The following SPIDR variants were observed in gnomAD, a reference collection of about 807,000 sequenced individuals.
The protein encoded by SPIDR is DNA repair-scaffolding protein.
Under a neutral mutation model 104.6 loss-of-function variants are expected in SPIDR, and 93 were observed. That is an observed-to-expected ratio of 0.89 (90% confidence interval 0.75 to 1.06). The LOEUF (loss-of-function observed/expected upper bound fraction) is 1.06. Among genes scored for constraint, SPIDR ranks in the 50% least tolerant of loss-of-function variants. SPIDR has a pLI of 0.00. For missense variants in SPIDR, 1,154 were observed against 1,111.2 expected (o/e 1.04, Z -0.55); for synonymous variants, 431 against 416.9 (o/e 1.03, Z -0.41).
chr8:47,734,936 T>G (rs1490031900), intron 19 of SPIDR, among the ~76,000 whole-genome samples: 3 of 152,140 alleles, frequency 2.0e-5, no homozygotes, highest in African/African-American at 7.2e-5. Flanking sequence ...TGTTGCTAGA[T>G]TGAGGAAGTG....
chr8:47,558,398 T>C (rs2091575723), intron 8 of SPIDR, among the ~76,000 whole-genome samples: 2 of 152,322 alleles, frequency 1.3e-5, no homozygotes, highest in South Asian at 4.1e-4. Context: ...TGTATTTTTT[T>C]AAACAGAGCT....
At chr8:47,662,990 A>G (rs2074357033) in intron 10 of SPIDR, among the ~76,000 whole-genome samples, 1 of 152,192 alleles carries the variant, frequency 6.6e-6, no homozygotes. Context: ...ATTGTTTATG[A>G]CCCACCCAGT....
chr8:47,701,630 G>A (rs2080196398), intron 12 of SPIDR, 91 bp from the exon 13 acceptor site: 2 of 1,280,332 alleles, frequency 1.6e-6, no homozygotes, highest in Non-Finnish European at 2.2e-6. Flanking sequence ...AAGCAAATAT[G>A]TATATATTAA....
intron 5 of SPIDR, among the ~76,000 whole-genome samples, chr8:47,329,682 G>C (rs1370032234): frequency 6.6e-6 from 1 of 152,068 alleles, no homozygotes; most frequent in Non-Finnish European, 1.5e-5. Flanking sequence ...TATACATATT[G>C]TATCTGTTAT....
intron 10 of SPIDR, chr8:47,660,942 A>G (rs1293462081): frequency 1.7e-5 from 17 of 985,324 alleles, no homozygotes; most frequent in Non-Finnish European, 2.0e-5. Context: ...GATTTTGAGC[A>G]CAGAAGAGAT....
intron 5 of SPIDR, among the ~76,000 whole-genome samples, chr8:47,328,726 G>A (rs909520059): frequency 6.6e-5 from 10 of 151,990 alleles, no homozygotes; most frequent in African/African-American, 2.4e-4. Context: ...CTCTACCTTT[G>A]GCTGGGTTAA....
intron 16 of SPIDR, among the ~76,000 whole-genome samples, chr8:47,720,753 T>G (rs974855322): frequency 2.0e-5 from 3 of 152,226 alleles, no homozygotes; most frequent in African/African-American, 7.2e-5. Context: ...GCTTGTCTTT[T>G]CATACTTTTT....
At chr8:47,297,626 G>C (rs1189668686) in intron 5 of SPIDR, among the ~76,000 whole-genome samples, 1 of 151,912 alleles carries the variant, frequency 6.6e-6, no homozygotes, top group Non-Finnish European at 1.5e-5. Flanking sequence ...CCCCACGACA[G>C]GCGCCGGTGT....
chr8:47,346,029 C>T lies in SPIDR; in HGVS notation c.526-50347C>T, dbSNP rs543445250. On this transcript the variant is annotated intron_variant, in intron 5 of 19. Coordinates refer to ENST00000297423, the MANE Select transcript of SPIDR (RefSeq NM_001080394.4). Reference sequence around the variant, plus strand: ...AATACATGTGGTGAGAGAGGGCATGCCTGTCTTGTGCCAGTTTTCAAAGGG... The same window carrying T: ...AATACATGTGGTGAGAGAGGGCATGTCTGTCTTGTGCCAGTTTTCAAAGGG... 2.6e-5 allele frequency among the ~76,000 whole-genome samples: 4 copies of T among 152,272 alleles called. No homozygotes were observed. The South Asian group carries it at 8.3e-4, about 32-fold the overall frequency.
At chr8:47,313,508 A>G (rs1163354465) in intron 5 of SPIDR, among the ~76,000 whole-genome samples, 9 of 152,224 alleles carry the variant, frequency 5.9e-5, no homozygotes, top group African/African-American at 1.4e-4. Context: ...TATAGATTCA[A>G]TGCCATCCCC....
chr8:47,587,178 G>A (rs1012778235), intron 8 of SPIDR, among the ~76,000 whole-genome samples: 3 of 151,960 alleles, frequency 2.0e-5, no homozygotes, highest in East Asian at 1.9e-4. Context: ...CATTTTTCTC[G>A]TTTTATAGTT....
intron 10 of SPIDR, among the ~76,000 whole-genome samples, chr8:47,599,910 ACC>A (rs1321330039): frequency 4.6e-5 from 7 of 152,258 alleles, no homozygotes; most frequent in Admixed American, 4.6e-4. Context: ...GGCTTGCACC[ACC>A]ATGCCTGGCT....
intron 8 of SPIDR, among the ~76,000 whole-genome samples, chr8:47,476,541 T>C (rs2076312527): frequency 2.6e-5 from 4 of 152,142 alleles, no homozygotes; most frequent in Admixed American, 2.6e-4. Context: ...GCAGGTGGCC[T>C]TCTGTTCCTC....
At chr8:47,466,900 A>T (rs200215088) in intron 8 of SPIDR, among the ~76,000 whole-genome samples, 4,381 of 114,294 alleles carry the variant, frequency 0.038, 172 homozygotes, top group East Asian at 0.086. Flanking sequence ...AAAAAAAAAA[A>T]ATATATATAT....
intron 5 of SPIDR, among the ~76,000 whole-genome samples, chr8:47,321,971 A>C (rs1264396442): frequency 6.6e-6 from 1 of 152,220 alleles, no homozygotes; most frequent in Non-Finnish European, 1.5e-5. Context: ...CTTAAATGTT[A>C]GACCTGAAAC....
chr8:47,494,842 A>G (rs1011228953), intron 8 of SPIDR, among the ~76,000 whole-genome samples: 1 of 152,162 alleles, frequency 6.6e-6, no homozygotes, highest in Non-Finnish European at 1.5e-5. Flanking sequence ...TTAGGAGTGA[A>G]GTGAGATACT....
chr8:47,575,986 T>C (rs1411773825), intron 8 of SPIDR, among the ~76,000 whole-genome samples: 2 of 151,320 alleles, frequency 1.3e-5, no homozygotes, highest in Non-Finnish European at 2.9e-5. Context: ...TCTTTTTTTT[T>C]TTGTTTATCT....
chr8:47,368,654 G>A lies in SPIDR; in HGVS notation c.526-27722G>A, dbSNP rs560410482. Among the ~76,000 whole-genome samples, 11 of 152,268 alleles carry A rather than the reference G, an allele frequency of 7.2e-5. No homozygotes were observed. The South Asian group carries it at 2.3e-3, about 32-fold the overall frequency. ...ACTAACCTATGGAAAAGAAGATCAT[G>A]TGTGATCTTTTATGAAAAATGATCA... On this transcript the variant is annotated intron_variant, in intron 5 of 19. Coordinates refer to ENST00000297423, the MANE Select transcript of SPIDR (RefSeq NM_001080394.4).
rs181475064 is a variant in SPIDR, at chr8:47,572,877, C to T, written c.1098-22934C>T. ...ATCTCTCATGGACCAGGGGCAGTGC[C>T]GCTGCCTGTCCCCAAGGAAGCTCCC... On this transcript the variant is annotated intron_variant, in intron 8 of 19. Coordinates refer to ENST00000297423, the MANE Select transcript of SPIDR (RefSeq NM_001080394.4). Among the ~76,000 whole-genome samples, 201 of 152,086 alleles carry T rather than the reference C, an allele frequency of 1.3e-3. 1 individual carries two copies. Among genetic ancestry groups the T allele is most frequent in the African/African-American group, 4.5e-3 (187 of 41,494 alleles).
Sources: gnomAD v4.1 joint callset for allele counts (sites outside exome capture counted in the v4.1 genomes callset) on GRCh38, gnomAD v4.1.1 for gene constraint, MANE v1.5 for transcripts, NCBI Gene and HGNC (gene_info 2026-07-23, HGNC 2026-07-21) for gene names.